Variants in C17orf113 observed in about 807,000 individuals in gnomAD.
The protein encoded by C17orf113 is chromosome 17 open reading frame 113.
In C17orf113, 5 loss-of-function variants were observed where a neutral mutation model predicts 11.6. That is an observed-to-expected ratio of 0.43 (90% confidence interval 0.23 to 0.91). The LOEUF (loss-of-function observed/expected upper bound fraction) is 0.91. Ranked by LOEUF, C17orf113 falls within the 40% of genes least tolerant of loss-of-function variation. The pLI, the probability that C17orf113 is intolerant of heterozygous loss-of-function variation, is 0.26. For missense variants in C17orf113, 714 were observed against 841.3 expected, an observed-to-expected ratio of 0.85 and a Z score of 1.87; for synonymous variants, 327 against 390.6, an observed-to-expected ratio of 0.84 and a Z score of 1.92.
intron 1 of C17orf113, among the ~76,000 whole-genome samples, chr17:42,045,302 C>T (rs971914049): frequency 1.3e-5 from 2 of 152,264 alleles, no homozygotes; most frequent in Non-Finnish European, 2.9e-5. Context: ...CCGCCCGTCT[C>T]GGCCTCCCAA....
At chr17:42,046,083 C>G (rs368924510) in intron 1 of C17orf113, among the ~76,000 whole-genome samples, 12 of 152,220 alleles carry the variant, frequency 7.9e-5, no homozygotes, top group African/African-American at 2.9e-4. Flanking sequence ...TTCTGCCATG[C>G]TGATCCCCAC....
rs2053066797 is a variant in C17orf113, at chr17:42,043,147, A to C, written c.230T>G (p.Leu77Arg). The C allele has an allele frequency of 2.4e-6, 3 of 1,232,094 alleles. No individual in the cohort carries two copies. The highest frequency in any genetic ancestry group is 3.0e-6 in the Non-Finnish European group (3 of 988,024). 76.3% of individuals were successfully genotyped at this position (1,232,094 alleles called of 1,614,324 possible). The change falls in exon 2 of 3, where the codon CTG (leucine) becomes CGG (arginine). Residue 77 changes from leucine (L) to arginine (R), a missense_variant. Physicochemically the swap from Leu to Arg is moderately radical, Grantham distance 102. Coordinates refer to ENST00000587304, the MANE Select transcript of C17orf113 (RefSeq NM_001358661.2). The stretch of plus-strand genomic sequence containing the variant: ...GTGGGCTCCTGAGGTCACGTGGCGC[A>C]GCAGGGCGTGGCGCTGGAAGTTGTC... ...GTDNFQRHALLRHVTSGAHRQ... is the reference protein window; with the variant it reads ...GTDNFQRHALRRHVTSGAHRQ...
At chr17:42,045,261 C>T (rs1555656532) in intron 1 of C17orf113, among the ~76,000 whole-genome samples, 1 of 151,960 alleles carries the variant, frequency 6.6e-6, no homozygotes, top group Non-Finnish European at 1.5e-5. Context: ...CCGTGTTAGC[C>T]AGGATGGTCT....
chr17:42,043,917 A>G (rs1260594337), intron 1 of C17orf113, among the ~76,000 whole-genome samples: 3 of 152,026 alleles, frequency 2.0e-5, no homozygotes, highest in Admixed American at 2.0e-4. Context: ...AGTGGTTCTC[A>G]GGGCCCATGA....
In C17orf113 at chr17:42,043,498, C is replaced by G. The variant is rs1267318889; in HGVS notation, c.-122G>C. The G allele has an allele frequency of 1.2e-6, 1 of 838,306 alleles. No individual in the cohort carries two copies. The highest frequency in any genetic ancestry group is 1.6e-6 in the Non-Finnish European group (1 of 629,542). 51.9% of individuals were successfully genotyped at this position (838,306 alleles called of 1,614,324 possible). Reference sequence around the variant, plus strand: ...GATGGGGAGGCAGGCTGGGGGCAGCCCGCCAGGCTAACAGGGCCCATCCAT... The same window carrying G: ...GATGGGGAGGCAGGCTGGGGGCAGCGCGCCAGGCTAACAGGGCCCATCCAT... On this transcript the variant is annotated 5_prime_UTR_variant, in exon 2 of 3. Coordinates refer to ENST00000587304, the MANE Select transcript of C17orf113 (RefSeq NM_001358661.2).
Position 42,043,424 on chromosome 17 carries a change from G to A in C17orf113, c.-48C>T, listed in dbSNP as rs2053075871. On this transcript the variant is annotated 5_prime_UTR_variant, in exon 2 of 3. Coordinates refer to ENST00000587304, the MANE Select transcript of C17orf113 (RefSeq NM_001358661.2). ...CCCCAACCCCCACCTGAATGCTCTT[G>A]CCCCCCTGCCTCCCCCACACACAGG... The A allele has an allele frequency of 8.1e-7, 1 of 1,227,284 alleles. No individual in the cohort carries two copies. The highest frequency in any genetic ancestry group is 1.6e-5 in the African/African-American group (1 of 64,326). 76.0% of individuals were successfully genotyped at this position (1,227,284 alleles called of 1,614,324 possible). A position where few individuals can be genotyped will look rare whatever the true frequency, so the allele number is the denominator to read the frequency against.
rs1555657002 is a variant in C17orf113, at chr17:42,050,426, G to C, written c.-188+131C>G. 1 of 152,092 alleles carries C rather than the reference G, an allele frequency of 6.6e-6. No individual in the cohort carries two copies. Among genetic ancestry groups the C allele is most frequent in the Non-Finnish European group, 1.5e-5 (1 of 68,026 alleles). The allele number at this position is 152,092 out of a possible 1,614,324, so 9.4% of individuals were successfully genotyped here. On this transcript the variant is annotated intron_variant, in intron 1 of 2. Coordinates refer to ENST00000587304, the MANE Select transcript of C17orf113 (RefSeq NM_001358661.2). The surrounding 1 kb of genome is among the most constrained non-coding windows in gnomAD (Gnocchi z 5.6). ...CGGGGAGGGCTGAGGAACTTCCTCT[G>C]GGGGGCGCGCGGTGACAGAGCCCTC...
At chr17:42,049,370 C>G (rs189864171) in intron 1 of C17orf113, among the ~76,000 whole-genome samples, 13 of 152,132 alleles carry the variant, frequency 8.5e-5, no homozygotes, top group Non-Finnish European at 1.6e-4. Flanking sequence ...TCTCCACCCC[C>G]CTTCTCATGC....
At position 42,045,045 on chromosome 17, in the gene C17orf113, G is replaced by A. The variant is rs1280116290; in HGVS notation, c.-187-1482C>T. On this transcript the variant is annotated intron_variant, in intron 1 of 2. Coordinates refer to ENST00000587304, the MANE Select transcript of C17orf113 (RefSeq NM_001358661.2). ...CCATTCTCCTGCCTCAGCCTCCCAA[G>A]TAGCTGGGACTACAGGCACCCGCCA... 8.6e-5 allele frequency among the ~76,000 whole-genome samples: 13 copies of A among 151,984 alleles called. 1 individual carries two copies. The highest frequency in any genetic ancestry group is 3.1e-4 in the African/African-American group (13 of 41,356).
chr17:42,041,292 G>A (rs1555656111), intron 2 of C17orf113, 103 bp from the exon 3 acceptor site: 3 of 1,029,702 alleles, frequency 2.9e-6, no homozygotes, highest in Middle Eastern at 3.5e-4. Flanking sequence ...AGGCCTTGAG[G>A]TTAGACAGAC....
chr17:42,040,805 A>G lies in C17orf113; in HGVS notation c.928T>C (p.Leu310=), dbSNP rs2053000630. ...GRTDPEPPAY[L]GQYESILDAL... ...TCCAATATGCTCTCATATTGACCCA[A>G]GTAGGCCGGGGGCTCAGGATCTGTC... is the stretch of plus-strand genomic sequence containing the variant. The change falls in exon 3 of 3, where the codon TTG becomes CTG. Residue 310 remains leucine (L), a synonymous_variant. Coordinates refer to ENST00000587304, the MANE Select transcript of C17orf113 (RefSeq NM_001358661.2). 2.4e-6 allele frequency: 3 copies of G among 1,232,182 alleles called. No homozygotes were observed. In the South Asian group the frequency reaches 1.2e-4, roughly 51 times the overall value. 76.3% of individuals were successfully genotyped at this position (1,232,182 alleles called of 1,614,324 possible).
intron 1 of C17orf113, among the ~76,000 whole-genome samples, chr17:42,048,006 C>T (rs1459391632): frequency 2.6e-5 from 4 of 152,084 alleles, no homozygotes; most frequent in Non-Finnish European, 5.9e-5. Flanking sequence ...CCTTGGAATC[C>T]TCTTTTCTCT....
rs1362503427 is a variant in C17orf113, at chr17:42,043,172, CTG to C, written c.203_204del (p.Thr68ArgfsTer31). The C allele has an allele frequency of 8.1e-7, 1 of 1,232,248 alleles. No homozygotes were observed. 76.3% of individuals were successfully genotyped at this position (1,232,248 alleles called of 1,614,324 possible). Reference sequence around the variant, plus strand: ...AGCAGGGCGTGGCGCTGGAAGTTGTCTGTGCCCACAGTGAAGGCGTTTTCGGC... The same window carrying C: ...AGCAGGGCGTGGCGCTGGAAGTTGTCTGCCCACAGTGAAGGCGTTTTCGGC... ...GKAENAFTVG[T>X]DNFQRHALLR... On this transcript the variant is annotated frameshift_variant, in exon 2 of 3. Coordinates refer to ENST00000587304, the MANE Select transcript of C17orf113 (RefSeq NM_001358661.2). LOFTEE classifies it high-confidence loss of function.
intron 1 of C17orf113, among the ~76,000 whole-genome samples, chr17:42,045,729 G>A (rs2053146499): frequency 6.6e-6 from 1 of 152,126 alleles, no homozygotes; most frequent in African/African-American, 2.4e-5. Context: ...TCTCTGCATG[G>A]TCATTTCCCC....
chr17:42,041,942 G>A (rs2053032578), intron 2 of C17orf113, among the ~76,000 whole-genome samples: 1 of 152,132 alleles, frequency 6.6e-6, no homozygotes, highest in Non-Finnish European at 1.5e-5. Flanking sequence ...GAGAGCATGG[G>A]GACCTTGCTT....
chr17:42,041,329 T>A, intron 2 of C17orf113, 140 bp from the exon 3 acceptor site: 1 of 697,746 alleles, frequency 1.4e-6, no homozygotes, highest in Non-Finnish European at 2.0e-6. Context: ...GCTTTGCCAC[T>A]TACTGGCTGT....
intron 2 of C17orf113, among the ~76,000 whole-genome samples, chr17:42,042,354 T>C (rs1318384590): frequency 5.3e-5 from 8 of 152,126 alleles, no homozygotes; most frequent in Non-Finnish European, 1.0e-4. Flanking sequence ...ATACCCCGTC[T>C]CTACTAAAAA....
Position 42,043,510 on chromosome 17 carries a change from C to A in C17orf113, c.-134G>T. On this transcript the variant is annotated 5_prime_UTR_variant, in exon 2 of 3. Coordinates refer to ENST00000587304, the MANE Select transcript of C17orf113 (RefSeq NM_001358661.2). ...GGCTGGGGGCAGCCCGCCAGGCTAA[C>A]AGGGCCCATCCATCTAAGCCTGGAG... The A allele has an allele frequency of 1.5e-6, 1 of 651,834 alleles. No individual in the cohort carries two copies. The highest frequency in any genetic ancestry group is 2.2e-6 in the Non-Finnish European group (1 of 459,004). 40.4% of individuals were successfully genotyped at this position (651,834 alleles called of 1,614,324 possible).
Position 42,040,232 on chromosome 17 carries a change from C to G in C17orf113, c.1501G>C (p.Gly501Arg). The change falls in exon 3 of 3, where the codon GGC becomes CGC. Residue 501 changes from glycine (G) to arginine (R), a missense_variant. By Grantham distance (125) the Gly-to-Arg change is moderately radical. Transcript: ENST00000587304. The part of the protein sequence containing the change: ...RGSFLDSMRK[G>R]LQDSYPGPSL... ...GGCCCGGGGTAGGAGTCCTGTAGGCCCTTCCGCATGGAGTCCAGGAAGGAT... is the reference window on the plus strand; with the variant it reads ...GGCCCGGGGTAGGAGTCCTGTAGGCGCTTCCGCATGGAGTCCAGGAAGGAT... 1 of 1,231,568 alleles carries G rather than the reference C, an allele frequency of 8.1e-7. No homozygotes were observed. Among genetic ancestry groups the G allele is most frequent in the Non-Finnish European group, 1.0e-6 (1 of 987,830 alleles). 76.3% of individuals were successfully genotyped at this position (1,231,568 alleles called of 1,614,324 possible).
Sources: gnomAD v4.1 joint callset for allele counts (sites outside exome capture counted in the v4.1 genomes callset) on GRCh38, gnomAD v4.1.1 for gene constraint, Gnocchi (gnomAD v3.1) non-coding constraint, MANE v1.5 for transcripts, NCBI Gene and HGNC (gene_info 2026-07-23, HGNC 2026-07-21) for gene names.